ZC3H11A: variants seen among roughly 807,000 people sequenced by gnomAD.
ZC3H11A encodes the protein zinc finger CCCH-type containing 11A.
ZC3H11A carries 22 observed loss-of-function variants against 90.8 expected under a neutral mutation model. The ratio of observed to expected loss-of-function variants is 0.24; its 90% CI spans 0.17 to 0.35. ZC3H11A has a LOEUF of 0.35. Among genes scored for constraint, ZC3H11A ranks in the 10% least tolerant of loss-of-function variants. ZC3H11A has a pLI of 1.00. For synonymous variants in ZC3H11A, 294 were observed against 339.8 expected (o/e 0.87, Z 1.48); for missense variants, 701 against 964.9 (o/e 0.73, Z 3.62).
chr1:203,797,490 G>C, intron 1 of ZC3H11A: 1 of 1,459,178 alleles, frequency 6.9e-7, no homozygotes, highest in Non-Finnish European at 9.0e-7. Context: ...CCCACTAACA[G>C]ATTCTGGTAC....
At chr1:203,808,426 T>A (rs1187509829) in intron 2 of ZC3H11A, among the ~76,000 whole-genome samples, 1 of 152,330 alleles carries the variant, frequency 6.6e-6, no homozygotes, top group Middle Eastern at 3.4e-3. Flanking sequence ...AGCAGAGATG[T>A]CTTTAAAGAA....
rs1171454948 is a variant in ZC3H11A at position 203,802,212 on chromosome 1, TAC to T, written c.-948_-947del. On this transcript the variant is annotated 5_prime_UTR_variant, in exon 2 of 18. It introduces an in-frame stop codon into an upstream open reading frame of the 5' UTR. Coordinates refer to ENST00000367210, the MANE Select transcript of ZC3H11A (RefSeq NM_001376342.1). The stretch of plus-strand genomic sequence containing the variant: ...CCCTGATGACGATGATGGATATATA[TAC>T]ATACATCCATATTATACATAATGAT... 6.6e-6 allele frequency: 1 copy of T among 152,626 alleles called. No individual in the cohort carries two copies. Among genetic ancestry groups the T allele is most frequent in the Non-Finnish European group, 1.5e-5 (1 of 68,038 alleles). 9.5% of individuals were successfully genotyped at this position (152,626 alleles called of 1,614,324 possible).
chr1:203,806,221 G>A lies in ZC3H11A; in HGVS notation c.-146+3205G>A, dbSNP rs1672287978. The A allele has an allele frequency of 3.8e-5, 15 of 390,834 alleles. 1 individual carries two copies. The highest frequency in any genetic ancestry group is 3.1e-4 in the South Asian group (15 of 47,998). The allele number at this position is 390,834 out of a possible 1,614,324, so 24.2% of individuals were successfully genotyped here. On this transcript the variant is annotated intron_variant, in intron 2 of 17. Coordinates refer to ENST00000367210, the MANE Select transcript of ZC3H11A (RefSeq NM_001376342.1). The stretch of plus-strand genomic sequence containing the variant: ...CATGCCAATGCAGTCATTCAGGCTG[G>A]GCAGCGGAGCCTTAATTTCACTTTC...
intron 17 of ZC3H11A, 148 bp from the exon 18 acceptor site, chr1:203,851,993 A>C: frequency 1.6e-6 from 1 of 616,920 alleles, no homozygotes; most frequent in Non-Finnish European, 2.6e-6. Context: ...AAAAAAAAAA[A>C]AAGCTTGATC....
At chr1:203,824,938 A>C (rs1200016784) in intron 4 of ZC3H11A, among the ~76,000 whole-genome samples, 1 of 151,988 alleles carries the variant, frequency 6.6e-6, no homozygotes, top group Non-Finnish European at 1.5e-5. Context: ...TTAGCCGGGC[A>C]TGGTGACACG....
intron 2 of ZC3H11A, among the ~76,000 whole-genome samples, chr1:203,804,301 G>A (rs1378246608): frequency 6.6e-6 from 1 of 151,832 alleles, no homozygotes; most frequent in Admixed American, 6.6e-5. Flanking sequence ...ACAGGCACCC[G>A]CCACCTCGCC....
At chr1:203,822,716 A>C (rs1679193856) in intron 4 of ZC3H11A, among the ~76,000 whole-genome samples, 1 of 152,116 alleles carries the variant, frequency 6.6e-6, no homozygotes, top group Non-Finnish European at 1.5e-5. Flanking sequence ...GTACCCTTTC[A>C]TGCACATGTC....
At chr1:203,833,977 A>G in intron 10 of ZC3H11A, 124 bp downstream of exon 10, 1 of 1,394,776 alleles carries the variant, frequency 7.2e-7, no homozygotes, top group Non-Finnish European at 9.3e-7. Context: ...GAAAGCACTT[A>G]TAAATTCCTC....
chr1:203,808,981 C>T (rs1231810129), intron 2 of ZC3H11A, among the ~76,000 whole-genome samples: 2 of 151,924 alleles, frequency 1.3e-5, no homozygotes, highest in Non-Finnish European at 2.9e-5. Flanking sequence ...CAGGCATTCG[C>T]CACCACGCCC....
At chr1:203,805,360 T>G (rs1671970050) in intron 2 of ZC3H11A, among the ~76,000 whole-genome samples, 1 of 152,074 alleles carries the variant, frequency 6.6e-6, no homozygotes, top group Non-Finnish European at 1.5e-5. Context: ...CTCGAACTTC[T>G]GACCTTGTGA....
At chr1:203,806,227 G>A (rs530137752) in intron 2 of ZC3H11A, 9 of 376,358 alleles carry the variant, frequency 2.4e-5, no homozygotes, top group African/African-American at 1.5e-4. Context: ...GCTGGGCAGC[G>A]GAGCCTTAAT....
At chr1:203,820,153 T>G (rs914431081) in intron 4 of ZC3H11A, among the ~76,000 whole-genome samples, 2 of 151,362 alleles carry the variant, frequency 1.3e-5, no homozygotes, top group East Asian at 4.0e-4. Context: ...GAGAATCGCT[T>G]GAACCTGGGA....
intron 1 of ZC3H11A, chr1:203,799,947 A>T: frequency 1.3e-6 from 2 of 1,536,128 alleles, no homozygotes; most frequent in Non-Finnish European, 1.7e-6. Context: ...TTCACCAGAG[A>T]TCTGCCAAAT....
chr1:203,847,949 A>G (rs1688331189), intron 13 of ZC3H11A, among the ~76,000 whole-genome samples: 1 of 151,984 alleles, frequency 6.6e-6, no homozygotes, highest in South Asian at 2.1e-4. Flanking sequence ...TCCACCTCCT[A>G]GGTTCAAGTG....
chr1:203,821,968 A>G (rs998333317), intron 4 of ZC3H11A, among the ~76,000 whole-genome samples: 28 of 152,150 alleles, frequency 1.8e-4, no homozygotes, highest in Admixed American at 1.8e-3. Context: ...CGTGTTAGCC[A>G]GGATGGTCTC....
Position 203,802,721 on chromosome 1 carries a change from T to TG in ZC3H11A, c.-441_-440insG, listed in dbSNP as rs71145027. 5 of 142,312 alleles carry TG rather than the reference T, an allele frequency of 3.5e-5. No homozygotes were observed. The highest frequency in any genetic ancestry group is 1.3e-4 in the African/African-American group (5 of 38,422). The allele number at this position is 142,312 out of a possible 1,614,324, so 8.8% of individuals were successfully genotyped here. ...TTCATCTTTAAATGAACTCTTTTTT[T>TG]TTGTTTTTTTTTTGTTTTGTTTTGT... On this transcript the variant is annotated 5_prime_UTR_variant, in exon 2 of 18. An upstream open reading frame in the 5' UTR loses its in-frame stop. Coordinates refer to ENST00000367210, the MANE Select transcript of ZC3H11A (RefSeq NM_001376342.1).
At chr1:203,834,047 T>G in intron 10 of ZC3H11A, 194 bp downstream of exon 10, 1 of 1,252,108 alleles carries the variant, frequency 8.0e-7, no homozygotes, top group Non-Finnish European at 1.0e-6. Flanking sequence ...AGTGTTACAA[T>G]TGAACTAGAT....
intron 2 of ZC3H11A, among the ~76,000 whole-genome samples, chr1:203,804,684 T>G (rs1458072953): frequency 1.3e-5 from 2 of 151,640 alleles, no homozygotes; most frequent in Non-Finnish European, 2.9e-5. Flanking sequence ...CTTTTTTTTT[T>G]TTTTTGATAT....
intron 9 of ZC3H11A, among the ~76,000 whole-genome samples, chr1:203,833,405 G>A (rs924674478): frequency 2.7e-5 from 4 of 148,534 alleles, no homozygotes; most frequent in African/African-American, 5.0e-5. Context: ...GGTAGTGTGC[G>A]CAGTAGTCCC....
Sources: gnomAD v4.1 joint callset for allele counts (sites outside exome capture counted in the v4.1 genomes callset) on GRCh38, gnomAD v4.1.1 for gene constraint, MANE v1.5 for transcripts, NCBI Gene and HGNC (gene_info 2026-07-23, HGNC 2026-07-21) for gene names.